The following NUP155 variants were observed in gnomAD, a reference collection of about 807,000 sequenced individuals.
NUP155 encodes the protein nuclear pore complex protein Nup155.
NUP155 carries 71 observed loss-of-function variants against 180.4 expected under a neutral mutation model. The observed-to-expected ratio is 0.39, with a 90% CI of 0.33 to 0.48. The LOEUF (loss-of-function observed/expected upper bound fraction) is 0.48. Among genes scored for constraint, NUP155 ranks in the 20% least tolerant of loss-of-function variants. The pLI, the probability that NUP155 is intolerant of heterozygous loss-of-function variation, is 0.91. For missense variants in NUP155, 1,553 were observed against 1,648.9 expected (o/e 0.94, Z 1.01); for synonymous variants, 582 against 559.5 (o/e 1.04, Z -0.57).
intron 20 of NUP155, 47 bp from the exon 21 acceptor site, chr5:37,318,132 AGAT>A (rs1561780526): frequency 1.0e-6 from 1 of 990,802 alleles, no homozygotes; most frequent in South Asian, 1.3e-5. Context: ...AGCTTTATTG[AGAT>A]ATAACACATA....
intron 5 of NUP155, among the ~76,000 whole-genome samples, chr5:37,351,679 G>T (rs995810206): frequency 1.3e-5 from 2 of 151,878 alleles, no homozygotes; most frequent in Admixed American, 6.6e-5. Flanking sequence ...TCGATCTCCT[G>T]ATCTCGTGAT....
intron 5 of NUP155, 22 bp from the exon 6 acceptor site, chr5:37,351,378 A>C: frequency 6.4e-7 from 1 of 1,569,086 alleles, no homozygotes; most frequent in South Asian, 1.1e-5. Context: ...AGAATACATA[A>C]ATCAGTTTAT....
At chr5:37,304,065 T>C (rs1193167185) in intron 27 of NUP155, among the ~76,000 whole-genome samples, 1 of 151,782 alleles carries the variant, frequency 6.6e-6, no homozygotes, top group Non-Finnish European at 1.5e-5. Context: ...CTGGCCAACA[T>C]GGTAAAACCC....
At position 37,348,559 on chromosome 5, in the gene NUP155, C is replaced by A. The variant is rs1746253809; in HGVS notation, c.941G>T (p.Arg314Ile). ...GGCATTCTGTGACACAGAGGCAACT[C>A]TGCTCATTCCTTGTCCATCTTGTCC... is the stretch of plus-strand genomic sequence containing the variant. ...DLGQDGQGMS[R>I]VASVSQNAIV... Residue 314 changes from arginine (R) to isoleucine (I), a missense_variant, in exon 9 of 35, where the codon AGA becomes ATA. Physicochemically the swap from Arg to Ile is moderately conservative, Grantham distance 97. Transcript: ENST00000231498. 6.2e-7 allele frequency: 1 copy of A among 1,612,644 alleles called. No individual in the cohort carries two copies. The highest frequency in any genetic ancestry group is 1.7e-5 in the Admixed American group (1 of 60,008).
chr5:37,357,925 G>A (rs1338820362), intron 4 of NUP155, among the ~76,000 whole-genome samples, 156 bp downstream of exon 4: 3 of 151,966 alleles, frequency 2.0e-5, no homozygotes, highest in South Asian at 4.2e-4. Flanking sequence ...CCCAGGAGGC[G>A]GAGATTGCAG....
intron 12 of NUP155, among the ~76,000 whole-genome samples, chr5:37,335,862 G>A (rs1485713512): frequency 1.3e-5 from 2 of 152,040 alleles, no homozygotes; most frequent in East Asian, 1.9e-4. Flanking sequence ...AGGGGGTGGC[G>A]GGTGCTGAGG....
At chr5:37,357,870 G>A (rs1386861812) in intron 4 of NUP155, among the ~76,000 whole-genome samples, 6 of 152,134 alleles carry the variant, frequency 3.9e-5, no homozygotes, top group African/African-American at 1.4e-4. Flanking sequence ...GCGCACGCCC[G>A]TAATCCCAGC....
chr5:37,349,248 A>G lies in NUP155; in HGVS notation c.830-3T>C, dbSNP rs1746306431. 2.4e-6 allele frequency: 2 copies of G among 827,892 alleles called. No homozygotes were observed. The highest frequency in any genetic ancestry group is 3.7e-6 in the Non-Finnish European group (2 of 534,070). The allele number at this position is 827,892 out of a possible 1,614,324, so 51.3% of individuals were successfully genotyped here. On this transcript the variant is annotated splice_polypyrimidine_tract_variant and splice_region_variant and intron_variant, in intron 7 of 34. Transcript: ENST00000231498. ...AATTGCAATTTGAAGAATAGGATCT[A>G]AAAGTAAGACAAAAAAAAAAAAGAG...
chr5:37,370,135 C>T (rs1376340841), intron 1 of NUP155, among the ~76,000 whole-genome samples: 1 of 152,184 alleles, frequency 6.6e-6, no homozygotes, highest in African/African-American at 2.4e-5. Context: ...CTTTGGGAGG[C>T]CGAGGCGGGC....
At chr5:37,364,220 T>A (rs376410037) in intron 2 of NUP155, 27 bp downstream of exon 2, 19 of 1,564,786 alleles carry the variant, frequency 1.2e-5, no homozygotes, top group East Asian at 2.3e-5. Context: ...TTAACATTTT[T>A]AAAATAAATA....
rs1485569458 is a variant in NUP155 at position 37,329,972 on chromosome 5, TA to T, written c.1724+65del. 1.4e-5 allele frequency: 16 copies of T among 1,149,392 alleles called. 1 individual carries two copies. The highest frequency in any genetic ancestry group is 2.1e-5 in the Non-Finnish European group (16 of 774,504). The allele number at this position is 1,149,392 out of a possible 1,614,324, so 71.2% of individuals were successfully genotyped here. ...GTTTGGCAAGGCTTTATCACATTGA[TA>T]AAATCATTTTAAAAAGTGGCCCAGT... On this transcript the variant is annotated intron_variant, in intron 15 of 34. Transcript: ENST00000231498.
intron 4 of NUP155, among the ~76,000 whole-genome samples, chr5:37,353,355 G>A (rs985701001): frequency 4.6e-5 from 7 of 152,116 alleles, no homozygotes; most frequent in Admixed American, 3.9e-4. Flanking sequence ...GGCTGAGGCA[G>A]GCAAATCACC....
intron 20 of NUP155, among the ~76,000 whole-genome samples, chr5:37,321,789 G>A (rs1326934539): frequency 1.3e-5 from 2 of 152,098 alleles, no homozygotes; most frequent in Admixed American, 6.6e-5. Flanking sequence ...TTATATAAAA[G>A]TGTACTTACT....
In NUP155 at chr5:37,292,238, C is replaced by CGGG. The variant is rs1402176185; in HGVS notation, c.4038-201_4038-200insCCC. ...GAAGATTTTTTTTTTTTTTTTGAGACGGAGTCTCGCTCTGTCACTCAGGCT... is the reference window on the plus strand; with the variant it reads ...GAAGATTTTTTTTTTTTTTTTGAGACGGGGGAGTCTCGCTCTGTCACTCAGGCT... On this transcript the variant is annotated intron_variant, in intron 34 of 34. Transcript: ENST00000231498. Among the ~76,000 whole-genome samples, 305 of 148,192 alleles carry CGGG rather than the reference C, an allele frequency of 2.1e-3. 5 individuals are homozygous for CGGG. The highest frequency in any genetic ancestry group is 7.1e-4 in the Non-Finnish European group (48 of 67,322).
At chr5:37,325,768 C>CCA (rs879163225) in intron 19 of NUP155, 133 bp downstream of exon 19, 1 of 308,256 alleles carries the variant, frequency 3.2e-6, no homozygotes, top group Non-Finnish European at 5.6e-6. Flanking sequence ...GACTCTGTCT[C>CCA]AAAAAAAAAA....
rs553868519 is a variant in NUP155 at position 37,358,785 on chromosome 5, G to A, written c.393-634C>T. 7.2e-5 allele frequency among the ~76,000 whole-genome samples: 11 copies of A among 152,278 alleles called. No homozygotes were observed. The East Asian group carries it at 1.7e-3, about 24-fold the overall frequency. On this transcript the variant is annotated intron_variant, in intron 3 of 34. Transcript: ENST00000231498. ...TGTAAACCCAGCACTTTGGGAGGCC[G>A]GGGTGGGCGAATCACAAGGTCAGGA...
intron 5 of NUP155, 71 bp downstream of exon 5, chr5:37,352,666 G>C: frequency 1.1e-6 from 1 of 945,282 alleles, no homozygotes; most frequent in Non-Finnish European, 1.7e-6. Context: ...ACCCAGATTA[G>C]CTTTTAACTG....
In NUP155 at chr5:37,288,963, C is replaced by G. The variant is rs1003714922; in HGVS notation, c.*2937G>C. Reference sequence around the variant, plus strand: ...GCGCATGCCTGTAATCTCAGCTACTCGGGAGGCTGAGGCAGAAGAATTGCT... The same window carrying G: ...GCGCATGCCTGTAATCTCAGCTACTGGGGAGGCTGAGGCAGAAGAATTGCT... On this transcript the variant is annotated 3_prime_UTR_variant, in exon 35 of 35. Transcript: ENST00000231498. The G allele has an allele frequency of 6.5e-6, 1 of 152,734 alleles. No individual in the cohort carries two copies. Among genetic ancestry groups the G allele is most frequent in the Non-Finnish European group, 1.5e-5 (1 of 68,536 alleles). 9.5% of individuals were successfully genotyped at this position (152,734 alleles called of 1,614,324 possible).
chr5:37,292,082 T>C (rs1210932743), intron 34 of NUP155, 44 bp from the exon 35 acceptor site: 3 of 1,602,770 alleles, frequency 1.9e-6, no homozygotes, highest in South Asian at 1.1e-5. Flanking sequence ...TTTACAAACA[T>C]TTCCTCCTGC....
Sources: gnomAD v4.1 joint callset for allele counts (sites outside exome capture counted in the v4.1 genomes callset) on GRCh38, gnomAD v4.1.1 for gene constraint, MANE v1.5 for transcripts, NCBI Gene and HGNC (gene_info 2026-07-23, HGNC 2026-07-21) for gene names.